The following KAT7 variants were observed in gnomAD, a reference collection of about 807,000 sequenced individuals.
The protein encoded by KAT7 is histone acetyltransferase KAT7.
KAT7 carries 10 observed loss-of-function variants against 82.1 expected under a neutral mutation model. The ratio of observed to expected loss-of-function variants is 0.12; its 90% confidence interval spans 0.08 to 0.21. The LOEUF is 0.21. Among genes scored for constraint, KAT7 ranks in the 10% least tolerant of loss-of-function variants. The pLI, the probability that KAT7 is intolerant of heterozygous loss-of-function variation, is 1.00. For missense variants in KAT7, 378 were observed against 760.9 expected (o/e 0.50, Z 5.92); for synonymous variants, 250 against 262.5 (o/e 0.95, Z 0.46).
At position 49,809,674 on chromosome 17, in the gene KAT7, T is replaced by C. The variant is rs574716650; in HGVS notation, c.753+466T>C. Among the ~76,000 whole-genome samples, 3 of 152,338 alleles carry C rather than the reference T, an allele frequency of 2.0e-5. No individual in the cohort carries two copies. In the East Asian group the frequency reaches 5.8e-4, roughly 29 times the overall value. On this transcript the variant is annotated intron_variant, in intron 6 of 14. Coordinates refer to ENST00000259021, the MANE Select transcript of KAT7 (RefSeq NM_007067.5). ...CCTGGCTTGGTCCTAAACCTCCTCC[T>C]GCCTCTCTGAACATTCCTGCCACAT...
Position 49,791,979 on chromosome 17 carries a change from C to G in KAT7, c.109C>G (p.Arg37Gly), listed in dbSNP as rs1278443986. Residue 37 changes from arginine (R) to glycine (G), a missense_variant, in exon 2 of 15, where the codon CGA becomes GGA. By Grantham distance (125) the Arg-to-Gly change is moderately radical. Transcript: ENST00000259021. ...TDSSESDGTS[R>G]RSARVTRSSA... ...CAGTTCAGAAAGTGATGGCACATCC[C>G]GACGATCTGCTCGAGTCACCCGCTC... is the stretch of plus-strand genomic sequence containing the variant. 1 of 1,613,970 alleles carries G rather than the reference C, an allele frequency of 6.2e-7. No homozygotes were observed. Among genetic ancestry groups the G allele is most frequent in the South Asian group, 1.1e-5 (1 of 91,078 alleles).
At chr17:49,800,354 C>T (rs137885551) in intron 4 of KAT7, among the ~76,000 whole-genome samples, 23 of 152,248 alleles carry the variant, frequency 1.5e-4, no homozygotes, top group Non-Finnish European at 2.8e-4. Context: ...TTCAAACCAT[C>T]GGAATAAATA....
At chr17:49,797,046 G>A in intron 3 of KAT7, 120 bp downstream of exon 3, 2 of 756,196 alleles carry the variant, frequency 2.6e-6, no homozygotes. Context: ...AATGCTGTTT[G>A]CTTGCTTCCT....
intron 13 of KAT7, chr17:49,826,489 A>G (rs2279955): frequency 0.013 from 7,137 of 540,834 alleles, 186 homozygotes; most frequent in East Asian, 0.06. Flanking sequence ...TAAGGGGCCA[A>G]GAGTAGCTTC....
chr17:49,827,307 G>T, intron 14 of KAT7, 94 bp from the exon 15 acceptor site: 1 of 758,436 alleles, frequency 1.3e-6, no homozygotes, highest in Non-Finnish European at 2.4e-6. Context: ...TTAAACCTTT[G>T]GCAATTCCTT....
rs1199784371 is a variant in KAT7, at chr17:49,832,418, A to G, written c.*4916A>G. 6.6e-6 allele frequency: 1 copy of G among 152,156 alleles called. No homozygotes were observed. Among genetic ancestry groups the G allele is most frequent in the African/African-American group, 2.4e-5 (1 of 41,418 alleles). The allele number at this position is 152,156 out of a possible 1,614,324, so 9.4% of individuals were successfully genotyped here. A position where few individuals can be genotyped will look rare whatever the true frequency, so the allele number is the denominator to read the frequency against. ...GATCAAGCAGCACAGCTCAGCCATGATCCTTTTACCACTTTTTTCTTCTGT... is the reference window on the plus strand; with the variant it reads ...GATCAAGCAGCACAGCTCAGCCATGGTCCTTTTACCACTTTTTTCTTCTGT... On this transcript the variant is annotated 3_prime_UTR_variant, in exon 15 of 15. Coordinates refer to ENST00000259021, the MANE Select transcript of KAT7 (RefSeq NM_007067.5).
intron 2 of KAT7, among the ~76,000 whole-genome samples, chr17:49,792,325 C>T (rs1234278987): frequency 6.6e-6 from 1 of 152,110 alleles, no homozygotes; most frequent in Non-Finnish European, 1.5e-5. Context: ...TTTTAGATCG[C>T]AGTGTCTCCA....
chr17:49,797,003 C>T lies in KAT7; in HGVS notation c.340+77C>T, dbSNP rs1362319195. ...TCTTTTTAAGGAGGGCTTGGGGCCACTGCAGGTAGATGCCTAATACTTCAG... is the reference window on the plus strand; with the variant it reads ...TCTTTTTAAGGAGGGCTTGGGGCCATTGCAGGTAGATGCCTAATACTTCAG... On this transcript the variant is annotated intron_variant, in intron 3 of 14. Transcript: ENST00000259021. 8 of 1,208,946 alleles carry T rather than the reference C, an allele frequency of 6.6e-6. No individual in the cohort carries two copies. The East Asian group carries it at 1.9e-4, about 29-fold the overall frequency. 74.9% of individuals were successfully genotyped at this position (1,208,946 alleles called of 1,614,324 possible).
intron 4 of KAT7, among the ~76,000 whole-genome samples, chr17:49,804,754 C>A (rs1310269646): frequency 6.6e-6 from 1 of 152,060 alleles, no homozygotes; most frequent in Non-Finnish European, 1.5e-5. Flanking sequence ...GCCTAGGTGA[C>A]ATAAAAAAAT....
chr17:49,815,660 T>G (rs1010398790), intron 7 of KAT7, 143 bp from the exon 8 acceptor site: 18 of 577,704 alleles, frequency 3.1e-5, no homozygotes, highest in Admixed American at 8.7e-5. Flanking sequence ...TAGTATGTCT[T>G]GTGCTCAATC....
intron 2 of KAT7, chr17:49,795,721 T>C (rs2073947409): frequency 4.4e-6 from 1 of 228,474 alleles, no homozygotes; most frequent in African/African-American, 2.3e-5. Context: ...TGAATTGTTA[T>C]TTTTTCCTTT....
chr17:49,827,668 C>G lies in KAT7; in HGVS notation c.*166C>G, dbSNP rs1428826030. ...CTCCGACCTTTGTGTACACTGCAGA[C>G]GCTGGTTCTGAGGAACTGTTGTTTC... On this transcript the variant is annotated 3_prime_UTR_variant, in exon 15 of 15. Transcript: ENST00000259021. 2.0e-5 allele frequency: 12 copies of G among 601,868 alleles called. No individual in the cohort carries two copies. The highest frequency in any genetic ancestry group is 5.9e-5 in the Admixed American group (2 of 34,170). 37.3% of individuals were successfully genotyped at this position (601,868 alleles called of 1,614,324 possible).
chr17:49,815,893 G>A lies in KAT7; in HGVS notation c.943G>A (p.Ala315Thr). ...YDLDLFRRAQ[A>T]RASEDLEKLR... Reference sequence around the variant, plus strand: ...CTTGGATCTTTTCCGAAGAGCACAAGCCCGGGCTTCAGAGGATTTGGTGAG... The same window carrying A: ...CTTGGATCTTTTCCGAAGAGCACAAACCCGGGCTTCAGAGGATTTGGTGAG... The change falls in exon 8 of 15, where the codon GCC becomes ACC. Residue 315 changes from alanine (A) to threonine (T), a missense_variant. Physicochemically the swap from Ala to Thr is moderately conservative, Grantham distance 58. Coordinates refer to ENST00000259021, the MANE Select transcript of KAT7 (RefSeq NM_007067.5). The A allele has an allele frequency of 6.2e-7, 1 of 1,612,966 alleles. No individual in the cohort carries two copies. The highest frequency in any genetic ancestry group is 8.5e-7 in the Non-Finnish European group (1 of 1,178,970).
Position 49,823,297 on chromosome 17 carries a change from TA to T in KAT7, c.1480+4del. The T allele has an allele frequency of 1.3e-6, 2 of 1,486,654 alleles. No individual in the cohort carries two copies. Among genetic ancestry groups the T allele is most frequent in the Non-Finnish European group, 1.9e-6 (2 of 1,064,594 alleles). The allele number at this position is 1,486,654 out of a possible 1,614,324, so 92.1% of individuals were successfully genotyped here. On this transcript the variant is annotated splice_donor_region_variant and intron_variant, in intron 12 of 14. Transcript: ENST00000259021. ...ATGGCAAGATGCTTATTGATTTCAGTAAGTGAAACTGCTAAGTCATTAGTTC... is the reference window on the plus strand; with the variant it reads ...ATGGCAAGATGCTTATTGATTTCAGTAGTGAAACTGCTAAGTCATTAGTTC...
At chr17:49,789,942 C>T (rs556862541) in intron 1 of KAT7, 3 of 152,022 alleles carry the variant, frequency 2.0e-5, no homozygotes, top group Non-Finnish European at 1.5e-5. Context: ...GAATAAGTCT[C>T]ACGTCAAGGC....
chr17:49,796,768 A>T lies in KAT7; in HGVS notation c.182A>T (p.Asn61Ile). The change falls in exon 3 of 15, where the codon AAT becomes ATT. Residue 61 changes from asparagine (N) to isoleucine (I), a missense_variant. This residue lies in a region of KAT7 where 161 missense variants were observed against 229.6 expected (regional missense o/e 0.70). Transcript: ENST00000259021. The stretch of plus-strand genomic sequence containing the variant: ...GGATCAGATTCCAGTCCTGTTCGAA[A>T]TCTGCAGTCTTTTGGCACTGAGGAG... ...QSSQDSSPVR[N>I]LQSFGTEEPA... is the part of the protein sequence containing the mutation. 2 of 1,607,112 alleles carry T rather than the reference A, an allele frequency of 1.2e-6. No individual in the cohort carries two copies. The highest frequency in any genetic ancestry group is 1.7e-6 in the Non-Finnish European group (2 of 1,175,916).
intron 4 of KAT7, among the ~76,000 whole-genome samples, chr17:49,801,437 T>C (rs2074023577): frequency 6.6e-6 from 1 of 151,956 alleles, no homozygotes; most frequent in Admixed American, 6.6e-5. Flanking sequence ...AAAGTTTACT[T>C]TGACTTTGGT....
At position 49,831,292 on chromosome 17, in the gene KAT7, A is replaced by G. The variant is rs2074423136; in HGVS notation, c.*3790A>G. 2 of 152,174 alleles carry G rather than the reference A, an allele frequency of 1.3e-5. No homozygotes were observed. The highest frequency in any genetic ancestry group is 4.8e-5 in the African/African-American group (2 of 41,420). The allele number at this position is 152,174 out of a possible 1,614,324, so 9.4% of individuals were successfully genotyped here. A position where few individuals can be genotyped will look rare whatever the true frequency, so the allele number is the denominator to read the frequency against. ...CCCTGTCTCAAAAACAAAAAACAGA[A>G]TTGATTGATGTTAGTTGGCTTTAGA... On this transcript the variant is annotated 3_prime_UTR_variant, in exon 15 of 15. Coordinates refer to ENST00000259021, the MANE Select transcript of KAT7 (RefSeq NM_007067.5).
chr17:49,802,002 C>T (rs184087002), intron 4 of KAT7, among the ~76,000 whole-genome samples: 1 of 152,298 alleles, frequency 6.6e-6, no homozygotes, highest in Admixed American at 6.5e-5. Flanking sequence ...TATATGTACA[C>T]ATATTTCCTT....
Sources: allele counts gnomAD v4.1 joint callset (sites outside exome capture counted in the v4.1 genomes callset), GRCh38; gene constraint gnomAD v4.1.1; regional missense constraint gnomAD v4.1.1; transcripts MANE v1.5; gene names NCBI Gene and HGNC (gene_info 2026-07-23, HGNC 2026-07-21).